Variants in PDE4D observed in about 807,000 individuals in gnomAD.
PDE4D encodes the protein 3',5'-cyclic-AMP phosphodiesterase 4D.
In PDE4D, 24 loss-of-function variants were observed where a neutral mutation model predicts 87.4. The ratio of observed to expected loss-of-function variants is 0.27; its 90% confidence interval spans 0.20 to 0.39. PDE4D has a LOEUF of 0.39. PDE4D is among the 10% of genes least tolerant of loss of function. The probability of loss-of-function intolerance (pLI) is 1.00; values close to 1 mark genes in which losing one functional copy is unlikely to be tolerated. For missense variants in PDE4D, 714 were observed against 1,041.0 expected, an observed-to-expected ratio of 0.69 and a Z score of 4.32; for synonymous variants, 384 against 383.2, an observed-to-expected ratio of 1.00 and a Z score of -0.02.
chr5:59,898,576 T>C (rs1257402954), upstream of PDE4D, among the ~76,000 whole-genome samples: 1 of 152,210 alleles, frequency 6.6e-6, no homozygotes, highest in Non-Finnish European at 1.5e-5. Flanking sequence ...TGAATACATA[T>C]GTGTGACCAT....
chr5:59,090,686 C>T (rs1356931559), intron 5 of PDE4D, among the ~76,000 whole-genome samples: 1 of 151,570 alleles, frequency 6.6e-6, no homozygotes, highest in Non-Finnish European at 1.5e-5. Flanking sequence ...ACAGCAACAA[C>T]AACAACAAGA....
intron 3 of PDE4D, among the ~76,000 whole-genome samples, chr5:59,959,603 A>AG (rs1341115069): frequency 2.6e-5 from 4 of 152,272 alleles, no homozygotes; most frequent in African/African-American, 9.6e-5. Flanking sequence ...AAAAATAAGC[A>AG]GGGGGGAAGG....
chr5:59,187,718 T>C (rs1404598685), intron 3 of PDE4D, among the ~76,000 whole-genome samples: 1 of 152,218 alleles, frequency 6.6e-6, no homozygotes, highest in Non-Finnish European at 1.5e-5. Context: ...AATAATCTTG[T>C]AGAGAAATTA....
intron 1 of PDE4D, among the ~76,000 whole-genome samples, chr5:59,375,156 C>T (rs1250847506): frequency 1.3e-5 from 2 of 152,080 alleles, no homozygotes; most frequent in African/African-American, 4.8e-5. Context: ...AATTCCAAAG[C>T]CAGCAGATGA....
chr5:59,079,666 T>TTAA (rs148255590), intron 5 of PDE4D, among the ~76,000 whole-genome samples: 2,494 of 146,188 alleles, frequency 0.017, 66 homozygotes, highest in African/African-American at 0.054. Context: ...CTCTACAAAA[T>TTAA]TAATAATAAT....
chr5:60,375,908 A>G (rs111671876), intron 1 of PDE4D, among the ~76,000 whole-genome samples: 2,975 of 152,202 alleles, frequency 0.02, 84 homozygotes, highest in African/African-American at 0.068. Flanking sequence ...GTGTGGTGGT[A>G]CGCGCCTGTA....
At chr5:60,039,136 A>T (rs1447461903) in intron 2 of PDE4D, among the ~76,000 whole-genome samples, 1 of 151,580 alleles carries the variant, frequency 6.6e-6, no homozygotes, top group Non-Finnish European at 1.5e-5. Context: ...ACACATGCAC[A>T]TGTATGTTTA....
intron 1 of PDE4D, among the ~76,000 whole-genome samples, chr5:59,602,853 A>AAACAT (rs1256431995): frequency 6.6e-6 from 1 of 152,004 alleles, no homozygotes; most frequent in African/African-American, 2.4e-5. Flanking sequence ...TAGACCAATG[A>AAACAT]AACATAATAG....
At chr5:59,275,374 C>T (rs1299143509) in intron 1 of PDE4D, 4 of 1,596,694 alleles carry the variant, frequency 2.5e-6, no homozygotes, top group Non-Finnish European at 3.4e-6. Context: ...ACTTGTAGAT[C>T]GGGATCTTGG....
At chr5:59,056,044 A>G (rs1230798569) in intron 5 of PDE4D, among the ~76,000 whole-genome samples, 2 of 152,196 alleles carry the variant, frequency 1.3e-5, no homozygotes, top group Non-Finnish European at 2.9e-5. Flanking sequence ...CACAGGTCAG[A>G]AAAGTTCAGA....
upstream of PDE4D, chr5:60,488,392 C>T (rs951497710): frequency 6.6e-6 from 1 of 151,888 alleles, no homozygotes; most frequent in African/African-American, 2.4e-5. Context: ...GTCCCAGAAA[C>T]CAAAGGGCAG....
chr5:60,191,121 CT>C (rs1785164934), intron 1 of PDE4D, among the ~76,000 whole-genome samples: 1 of 152,202 alleles, frequency 6.6e-6, no homozygotes, highest in African/African-American at 2.4e-5. Context: ...ACAACTTCCC[CT>C]ACTGCGCCAA....
intron 1 of PDE4D, among the ~76,000 whole-genome samples, chr5:59,719,603 T>C (rs1217225344): frequency 6.6e-6 from 1 of 152,166 alleles, no homozygotes; most frequent in Non-Finnish European, 1.5e-5. Context: ...ATTGCATGTA[T>C]CTCACCTTAA....
chr5:60,252,630 T>C (rs1278279938), intron 1 of PDE4D, among the ~76,000 whole-genome samples: 3 of 151,824 alleles, frequency 2.0e-5, no homozygotes, highest in Non-Finnish European at 4.4e-5. Context: ...TGAAGGATGC[T>C]ACACCATTCA....
intron 1 of PDE4D, among the ~76,000 whole-genome samples, chr5:60,442,780 G>T (rs909423424): frequency 3.9e-5 from 6 of 152,068 alleles, no homozygotes; most frequent in Admixed American, 1.3e-4. Context: ...TAGAAAAATG[G>T]TTGCATCATT....
At chr5:59,154,665 C>T (rs754056904) in intron 5 of PDE4D, among the ~76,000 whole-genome samples, 8 of 152,176 alleles carry the variant, frequency 5.3e-5, no homozygotes, top group Admixed American at 6.5e-5. Context: ...GCAGGAGGAT[C>T]ACTTGAGGCC....
At chr5:59,801,086 G>C (rs926614598) in intron 1 of PDE4D, among the ~76,000 whole-genome samples, 1 of 152,014 alleles carries the variant, frequency 6.6e-6, no homozygotes, top group African/African-American at 2.4e-5. Context: ...AGTTTATCCT[G>C]CCCCTATACA....
At chr5:59,942,732 T>C (rs1407285860) in intron 3 of PDE4D, among the ~76,000 whole-genome samples, 1 of 151,830 alleles carries the variant, frequency 6.6e-6, no homozygotes, top group African/African-American at 2.4e-5. Flanking sequence ...CAGACTAGAA[T>C]AGGATCGGCT....
intron 1 of PDE4D, among the ~76,000 whole-genome samples, chr5:59,344,151 T>C (rs1779240776): frequency 6.6e-6 from 1 of 152,180 alleles, no homozygotes; most frequent in Admixed American, 6.5e-5. Context: ...AAGAGGTTTT[T>C]CACAAGGGTT....
Sources: allele counts gnomAD v4.1 joint callset (sites outside exome capture counted in the v4.1 genomes callset), GRCh38; gene constraint gnomAD v4.1.1; transcripts MANE v1.5; gene names NCBI Gene and HGNC (gene_info 2026-07-23, HGNC 2026-07-21).